FAM163A: variants seen among roughly 807,000 people sequenced by gnomAD.
FAM163A encodes protein FAM163A.
In FAM163A, 7 loss-of-function variants were observed where a neutral mutation model predicts 12.0. The observed-to-expected ratio is 0.58, with a 90% CI of 0.33 to 1.10. FAM163A has a LOEUF of 1.10. Among genes scored for constraint, FAM163A ranks in the 50% least tolerant of loss-of-function variants. The pLI is 0.03. For missense variants in FAM163A, 202 were observed against 218.6 expected (o/e 0.92, Z 0.48); for synonymous variants, 101 against 91.0 (o/e 1.11, Z -0.62).
chr1:179,775,206 C>T (rs141501008), intron 1 of FAM163A, among the ~76,000 whole-genome samples: 210 of 152,116 alleles, frequency 1.4e-3, no homozygotes, highest in African/African-American at 4.7e-3. Flanking sequence ...GATTGGTTGC[C>T]GAAAGCAACC....
intron 1 of FAM163A, among the ~76,000 whole-genome samples, chr1:179,802,620 A>G (rs1349501063): frequency 6.6e-6 from 1 of 152,174 alleles, no homozygotes; most frequent in African/African-American, 2.4e-5. Flanking sequence ...TTCATGGGCC[A>G]TGTGTGTACT....
chr1:179,784,860 A>G (rs1557941994), intron 1 of FAM163A, among the ~76,000 whole-genome samples: 1 of 152,102 alleles, frequency 6.6e-6, no homozygotes, highest in East Asian at 1.9e-4. Context: ...CTGACTTAAC[A>G]AGTAACTTTA....
At chr1:179,728,882 T>C in the FAM163A span, among the ~76,000 whole-genome samples, 191 of 152,254 alleles carry the variant, frequency 1.3e-3, 2 homozygotes, top group African/African-American at 4.2e-3. Context: ...CCCCGAGACA[T>C]CGATACATGT....
chr1:179,753,722 A>G (rs182008378), intron 1 of FAM163A, among the ~76,000 whole-genome samples: 1 of 152,180 alleles, frequency 6.6e-6, no homozygotes, highest in Admixed American at 6.5e-5. Context: ...TGAAATGTAA[A>G]TAGAAGGCGA....
chr1:179,800,846 GC>G (rs1693072306), intron 1 of FAM163A, among the ~76,000 whole-genome samples: 1 of 152,302 alleles, frequency 6.6e-6, no homozygotes, highest in East Asian at 1.9e-4. Flanking sequence ...GTTCTGAGCA[GC>G]CCATCAAGGA....
intron 1 of FAM163A, among the ~76,000 whole-genome samples, chr1:179,756,161 G>A (rs1685993687): frequency 6.6e-6 from 1 of 152,192 alleles, no homozygotes; most frequent in Non-Finnish European, 1.5e-5. Flanking sequence ...AGCCAGACTG[G>A]TCCATCTGGA....
intron 1 of FAM163A, among the ~76,000 whole-genome samples, chr1:179,760,419 A>G (rs2454199): frequency 0.75 from 114,758 of 152,154 alleles, 43,702 homozygotes; most frequent in East Asian, 1. Context: ...TGTTGAAGTC[A>G]TGGAAGGGAA....
chr1:179,801,358 C>G (rs1693148144), intron 1 of FAM163A, among the ~76,000 whole-genome samples: 1 of 152,122 alleles, frequency 6.6e-6, no homozygotes, highest in Admixed American at 6.5e-5. Flanking sequence ...ACCACCACCC[C>G]ATACCCACAC....
intron 1 of FAM163A, among the ~76,000 whole-genome samples, chr1:179,805,217 G>A (rs73041606): frequency 3.3e-5 from 5 of 152,230 alleles, no homozygotes; most frequent in Admixed American, 2.0e-4. Context: ...AGTCCACTCA[G>A]ACATTAGAAT....
chr1:179,734,406 T>C, the FAM163A span, among the ~76,000 whole-genome samples: 1 of 151,744 alleles, frequency 6.6e-6, no homozygotes, highest in Non-Finnish European at 1.5e-5. Flanking sequence ...ATTAAACGAA[T>C]ACTCCTTTTT....
intron 1 of FAM163A, among the ~76,000 whole-genome samples, chr1:179,755,432 A>T (rs1685881765): frequency 6.6e-6 from 1 of 152,130 alleles, no homozygotes; most frequent in African/African-American, 2.4e-5. Context: ...TGTGGCTAGG[A>T]TGTCACAGAG....
chr1:179,759,857 G>T (rs1257260752), intron 1 of FAM163A, among the ~76,000 whole-genome samples: 3 of 152,116 alleles, frequency 2.0e-5, no homozygotes, highest in Non-Finnish European at 4.4e-5. Flanking sequence ...AGTAGAGATG[G>T]GGTTTCACCA....
chr1:179,780,649 A>T (rs1380084578), intron 1 of FAM163A, among the ~76,000 whole-genome samples: 4 of 152,208 alleles, frequency 2.6e-5, no homozygotes, highest in African/African-American at 9.7e-5. Flanking sequence ...GGCAATGCAC[A>T]TTTTAACAGG....
upstream of FAM163A, chr1:179,741,881 G>A (rs1393034038): frequency 6.6e-6 from 1 of 152,246 alleles, no homozygotes; most frequent in African/African-American, 2.4e-5. Flanking sequence ...CCTCTGGGGT[G>A]GTAGCAATGA....
chr1:179,730,351 A>T, the FAM163A span: 1 of 152,298 alleles, frequency 6.6e-6, no homozygotes, highest in Admixed American at 6.5e-5. Flanking sequence ...AGTTACTCAG[A>T]CCAATCCTGG....
chr1:179,747,558 C>T (rs1684667932), intron 1 of FAM163A, among the ~76,000 whole-genome samples: 1 of 152,228 alleles, frequency 6.6e-6, no homozygotes, highest in Non-Finnish European at 1.5e-5. Context: ...TTCAGTCACT[C>T]TGCTAAGCCT....
At chr1:179,748,513 A>G (rs1684828244) in intron 1 of FAM163A, among the ~76,000 whole-genome samples, 1 of 152,248 alleles carries the variant, frequency 6.6e-6, no homozygotes, top group South Asian at 2.1e-4. Flanking sequence ...CAAAGCCCTG[A>G]GAACACAGAA....
At chr1:179,768,719 C>T (rs1227580152) in intron 1 of FAM163A, among the ~76,000 whole-genome samples, 2 of 152,018 alleles carry the variant, frequency 1.3e-5, no homozygotes, top group African/African-American at 4.8e-5. Context: ...GATTCTCCTG[C>T]CTCAGCCTCC....
At chr1:179,739,017 C>A (rs920031226), upstream of FAM163A, among the ~76,000 whole-genome samples, 11 of 152,118 alleles carry the variant, frequency 7.2e-5, no homozygotes, top group Non-Finnish European at 1.6e-4. Flanking sequence ...TAAACCCACA[C>A]AACTATGCCC....
Sources: gnomAD v4.1 joint callset for allele counts (sites outside exome capture counted in the v4.1 genomes callset) on GRCh38, gnomAD v4.1.1 for gene constraint, MANE v1.5 for transcripts, NCBI Gene and HGNC (gene_info 2026-07-23, HGNC 2026-07-21) for gene names.